The following ITPR2 variants were observed in gnomAD, a reference collection of about 807,000 sequenced individuals.
ITPR2 encodes the protein inositol 1,4,5-trisphosphate receptor type 2, also known as inositol 1,4,5-trisphosphate-gated calcium channel ITPR2.
A neutral mutation model predicts 317.1 loss-of-function variants in ITPR2; 207 were observed. The ratio of observed to expected loss-of-function variants is 0.65; its 90% confidence interval spans 0.58 to 0.73. The LOEUF (loss-of-function observed/expected upper bound fraction) is 0.73, where lower values mean the gene tolerates loss of function less well. Ranked by LOEUF, ITPR2 falls within the 30% of genes least tolerant of loss-of-function variation. ITPR2 has a pLI of 0.00. For synonymous variants in ITPR2, 1,156 were observed against 1,149.1 expected (o/e 1.01, Z -0.12); for missense variants, 2,613 against 3,284.0 (o/e 0.80, Z 4.99).
In ITPR2 at chr12:26,659,073, A is replaced by T. The variant is rs779538817; in HGVS notation, c.1886+40T>A. 4.0e-6 allele frequency: 6 copies of T among 1,514,844 alleles called. No homozygotes were observed. The South Asian group carries it at 6.1e-5, about 15-fold the overall frequency. The allele number at this position is 1,514,844 out of a possible 1,614,324, so 93.8% of individuals were successfully genotyped here. On this transcript the variant is annotated intron_variant, in intron 16 of 56. Transcript: ENST00000381340. ...TCTAAAAATAAAACATAAAGCCGCA[A>T]TCTCCACTAGAAAAGAATACCGCAT...
At chr12:26,648,842 T>A (rs1187410866) in intron 21 of ITPR2, 2 of 152,176 alleles carry the variant, frequency 1.3e-5, no homozygotes, top group African/African-American at 4.8e-5. Context: ...GACAATCCTA[T>A]CTCCATATTT....
intron 34 of ITPR2, among the ~76,000 whole-genome samples, chr12:26,563,165 T>C (rs901174798): frequency 5.9e-5 from 9 of 152,126 alleles, no homozygotes; most frequent in African/African-American, 2.2e-4. Flanking sequence ...AATGAAGAAA[T>C]GTTCTCTCAA....
chr12:26,786,400 TA>T (rs1361900585), intron 2 of ITPR2, among the ~76,000 whole-genome samples: 1 of 125,120 alleles, frequency 8.0e-6, no homozygotes, highest in Non-Finnish European at 1.6e-5. Context: ...ACTATTGTCC[TA>T]TGACCCTGCC....
At chr12:26,579,746 A>G (rs962013357) in intron 33 of ITPR2, among the ~76,000 whole-genome samples, 1 of 152,184 alleles carries the variant, frequency 6.6e-6, no homozygotes, top group Non-Finnish European at 1.5e-5. Context: ...TCTATCATTT[A>G]AAGAATTAAT....
chr12:26,605,124 A>ATAT (rs1268947338), intron 26 of ITPR2, among the ~76,000 whole-genome samples: 1 of 83,882 alleles, frequency 1.2e-5, no homozygotes, highest in African/African-American at 4.4e-5. Context: ...ATAAAAAATA[A>ATAT]AAATATATAT....
At chr12:26,542,326 A>C (rs145878306) in intron 37 of ITPR2, among the ~76,000 whole-genome samples, 81 of 152,354 alleles carry the variant, frequency 5.3e-4, no homozygotes, top group Middle Eastern at 6.8e-3. Flanking sequence ...TGAGAAAATA[A>C]ATGAGTTGTG....
At chr12:26,421,011 A>G (rs2136689095) in intron 49 of ITPR2, among the ~76,000 whole-genome samples, 2 of 152,324 alleles carry the variant, frequency 1.3e-5, no homozygotes, top group Middle Eastern at 6.8e-3. Context: ...GTGAGTTTTC[A>G]GAAAGACGAA....
chr12:26,701,151 A>G (rs1377030710), intron 9 of ITPR2, among the ~76,000 whole-genome samples: 1 of 152,214 alleles, frequency 6.6e-6, no homozygotes, highest in East Asian at 1.9e-4. Flanking sequence ...AATGATAGAG[A>G]GAGAGAAACA....
intron 2 of ITPR2, among the ~76,000 whole-genome samples, chr12:26,732,751 T>C (rs1949047428): frequency 1.3e-5 from 2 of 152,194 alleles, no homozygotes. Context: ...AGGCATAATC[T>C]GTCTCTGTTT....
At chr12:26,364,714 G>T (rs1938951299) in intron 55 of ITPR2, among the ~76,000 whole-genome samples, 1 of 152,214 alleles carries the variant, frequency 6.6e-6, no homozygotes, top group South Asian at 2.1e-4. Flanking sequence ...CTGCCATCAT[G>T]TGTGTCTGTC....
At chr12:26,706,281 C>T (rs732150) in intron 9 of ITPR2, among the ~76,000 whole-genome samples, 20,633 of 152,168 alleles carry the variant, frequency 0.14, 1,843 homozygotes, top group Non-Finnish European at 0.2. Flanking sequence ...CACAGTACAA[C>T]TCTGGAGTGG....
chr12:26,805,638 C>T (rs1162592863), intron 1 of ITPR2, among the ~76,000 whole-genome samples: 1 of 80,798 alleles, frequency 1.2e-5, no homozygotes, highest in Non-Finnish European at 2.8e-5. Context: ...GGGGAGGAGA[C>T]AAATCACAAG....
At chr12:26,363,754 C>A (rs148879742) in intron 55 of ITPR2, among the ~76,000 whole-genome samples, 12 of 151,814 alleles carry the variant, frequency 7.9e-5, no homozygotes, top group African/African-American at 2.9e-4. Flanking sequence ...GCACATGTAT[C>A]CCAGAACTTA....
intron 2 of ITPR2, among the ~76,000 whole-genome samples, chr12:26,787,307 C>G (rs1264979137): frequency 6.6e-6 from 1 of 152,178 alleles, no homozygotes; most frequent in Non-Finnish European, 1.5e-5. Context: ...ATGATTTAAT[C>G]TAAAACTGGA....
intron 2 of ITPR2, among the ~76,000 whole-genome samples, chr12:26,763,718 T>A (rs1216098403): frequency 6.6e-6 from 1 of 152,132 alleles, no homozygotes; most frequent in Non-Finnish European, 1.5e-5. Context: ...CATTTCTCCA[T>A]TCTTTTACTT....
At chr12:26,661,348 A>G (rs1947499945) in intron 15 of ITPR2, among the ~76,000 whole-genome samples, 2 of 149,612 alleles carry the variant, frequency 1.3e-5, no homozygotes, top group African/African-American at 2.5e-5. Flanking sequence ...GTGTGTACGC[A>G]CACACTGATC....
At chr12:26,751,856 A>T (rs1041602849) in intron 2 of ITPR2, among the ~76,000 whole-genome samples, 5 of 149,992 alleles carry the variant, frequency 3.3e-5, no homozygotes, top group African/African-American at 1.0e-4. Flanking sequence ...ACAGAGCAAG[A>T]CTCTATCTAA....
chr12:26,692,757 G>A (rs1430854410), intron 10 of ITPR2, among the ~76,000 whole-genome samples: 1 of 151,982 alleles, frequency 6.6e-6, no homozygotes, highest in East Asian at 1.9e-4. Flanking sequence ...CTTCAAATAC[G>A]GAAGGCAACA....
At position 26,561,780 on chromosome 12, in the gene ITPR2, ATTTCTGT is replaced by A; in HGVS notation, c.4796_4802del (p.Tyr1599LeufsTer9). The A allele has an allele frequency of 1.9e-6, 3 of 1,574,976 alleles. No individual in the cohort carries two copies. Among genetic ancestry groups the A allele is most frequent in the Non-Finnish European group, 2.6e-6 (3 of 1,169,536 alleles). On this transcript the variant is annotated frameshift_variant, in exon 35 of 57. Transcript: ENST00000381340. LOFTEE classifies it high-confidence loss of function. ...CATGTACCTGTAACTTTTCAATAATATTTCTGTAATCCCAAGCAGGCCCTCCAAGAGC... is the reference window on the plus strand; with the variant it reads ...CATGTACCTGTAACTTTTCAATAATAAATCCCAAGCAGGCCCTCCAAGAGC...
Sources: gnomAD v4.1 joint callset for allele counts (sites outside exome capture counted in the v4.1 genomes callset) on GRCh38, gnomAD v4.1.1 for gene constraint, MANE v1.5 for transcripts, NCBI Gene and HGNC (gene_info 2026-07-23, HGNC 2026-07-21) for gene names.